The following BICDL1 variants were observed in gnomAD, a reference collection of about 807,000 sequenced individuals.
The protein encoded by BICDL1 is BICD family-like cargo adapter 1.
Under a neutral mutation model 76.8 loss-of-function variants are expected in BICDL1, and 20 were observed. The observed-to-expected ratio is 0.26, with a 90% CI of 0.18 to 0.38. The LOEUF (loss-of-function observed/expected upper bound fraction) is 0.38, where lower values mean the gene tolerates loss of function less well. Among genes scored for constraint, BICDL1 ranks in the 10% least tolerant of loss-of-function variants. BICDL1 has a pLI of 1.00. For synonymous variants in BICDL1, 383 were observed against 337.1 expected (o/e 1.14, Z -1.49); for missense variants, 700 against 798.6 (o/e 0.88, Z 1.49).
intron 2 of BICDL1, among the ~76,000 whole-genome samples, chr12:120,045,203 T>C (rs1329269997): frequency 1.3e-5 from 2 of 152,068 alleles, no homozygotes; most frequent in Non-Finnish European, 2.9e-5. Flanking sequence ...GAAATGCAAA[T>C]CAAAACCACA....
chr12:120,075,316 CGCCTT>C (rs528966643), intron 7 of BICDL1, among the ~76,000 whole-genome samples: 72 of 152,210 alleles, frequency 4.7e-4, no homozygotes, highest in African/African-American at 1.5e-3. Flanking sequence ...AAGCTGTTCA[CGCCTT>C]GCTGCTGCAT....
intron 2 of BICDL1, among the ~76,000 whole-genome samples, chr12:120,018,046 A>G (rs142029231): frequency 2.0e-5 from 3 of 152,268 alleles, no homozygotes; most frequent in East Asian, 3.9e-4. Context: ...CCCACCAGCA[A>G]TCTGTCAAAG....
At chr12:120,033,140 A>G (rs1330669329) in intron 2 of BICDL1, among the ~76,000 whole-genome samples, 1 of 151,736 alleles carries the variant, frequency 6.6e-6, no homozygotes. Flanking sequence ...CGCTTCAGTA[A>G]TTTTTTCATT....
At chr12:120,042,247 T>C (rs1025007902) in intron 2 of BICDL1, among the ~76,000 whole-genome samples, 1 of 152,188 alleles carries the variant, frequency 6.6e-6, no homozygotes, top group African/African-American at 2.4e-5. Flanking sequence ...ATACTCATAA[T>C]AGTCCTCTGA....
intron 1 of BICDL1, among the ~76,000 whole-genome samples, chr12:119,993,944 T>A (rs983602358): frequency 5.9e-5 from 9 of 152,256 alleles, no homozygotes; most frequent in Non-Finnish European, 1.2e-4. Flanking sequence ...AAGGCATTTT[T>A]AAAAATTTCT....
Position 119,990,031 on chromosome 12 carries a change from G to C in BICDL1, c.163G>C (p.Ala55Pro), listed in dbSNP as rs1459566945. Residue 55 changes from alanine to proline, a missense_variant, in exon 1 of 10, where the codon GCG (alanine) becomes CCG (proline). Ala to Pro is a conservative substitution (Grantham distance 27). Transcript: ENST00000548673. ...FPGGSGELEL[A>P]LEEELALLAA... is the part of the protein sequence containing the mutation. ...CGGGGGCTCCGGGGAGCTAGAACTG[G>C]CGTTAGAGGAGGAGCTGGCGCTGCT... is the stretch of plus-strand genomic sequence containing the variant. 6.6e-7 allele frequency: 1 copy of C among 1,523,130 alleles called. No homozygotes were observed. The highest frequency in any genetic ancestry group is 1.4e-5 in the African/African-American group (1 of 71,204). The allele number at this position is 1,523,130 out of a possible 1,614,324, so 94.4% of individuals were successfully genotyped here. A position where few individuals can be genotyped will look rare whatever the true frequency, so the allele number is the denominator to read the frequency against.
At chr12:120,021,884 A>G (rs1174438650) in intron 2 of BICDL1, among the ~76,000 whole-genome samples, 1 of 151,218 alleles carries the variant, frequency 6.6e-6, no homozygotes, top group South Asian at 2.1e-4. Context: ...CAGCCTATGC[A>G]ACAGAGCGAG....
rs772169138 is a variant in BICDL1 at position 120,093,055 on chromosome 12, G to C, written c.1760G>C (p.Arg587Pro). ...RQLMDTHLKE[R>P]SQPAAALCRG... ...CTGATGGACACGCACCTGAAAGAACGGAGCCAGCCGGCTGCTGCCCTCTGC... is the reference window on the plus strand; with the variant it reads ...CTGATGGACACGCACCTGAAAGAACCGAGCCAGCCGGCTGCTGCCCTCTGC... Residue 587 changes from arginine to proline, a missense_variant, in exon 10 of 10, where the codon CGG (arginine) becomes CCG (proline). By Grantham distance (103) the Arg-to-Pro change is moderately radical (BLOSUM62 -2). Transcript: ENST00000548673. The C allele has an allele frequency of 3.7e-6, 6 of 1,600,574 alleles. No individual in the cohort carries two copies. Among genetic ancestry groups the C allele is most frequent in the Non-Finnish European group, 5.1e-6 (6 of 1,172,668 alleles).
At chr12:120,045,995 C>A (rs1016975914) in intron 2 of BICDL1, among the ~76,000 whole-genome samples, 9 of 151,798 alleles carry the variant, frequency 5.9e-5, no homozygotes, top group Non-Finnish European at 1.0e-4. Context: ...GTATTTCTGC[C>A]CTTGAAGAAA....
Position 120,093,860 on chromosome 12 carries a change from C to T in BICDL1, c.*699C>T, listed in dbSNP as rs1030383772. On this transcript the variant is annotated 3_prime_UTR_variant, in exon 10 of 10. Coordinates refer to ENST00000548673, the MANE Select transcript of BICDL1 (RefSeq NM_001367886.1). ...CTTCAGTCTCTGCCCCTTAGCAGGGCCTGGCCAGGCAGAGTGTTATCACCA... is the reference window on the plus strand; with the variant it reads ...CTTCAGTCTCTGCCCCTTAGCAGGGTCTGGCCAGGCAGAGTGTTATCACCA... 1 of 213,718 alleles carries T rather than the reference C, an allele frequency of 4.7e-6. No individual in the cohort carries two copies. Among genetic ancestry groups the T allele is most frequent in the Non-Finnish European group, 9.7e-6 (1 of 103,290 alleles). The allele number at this position is 213,718 out of a possible 1,614,324, so 13.2% of individuals were successfully genotyped here.
Position 119,990,303 on chromosome 12 carries a change from G to T in BICDL1, c.429+6G>T. 6.4e-7 allele frequency: 1 copy of T among 1,557,428 alleles called. No homozygotes were observed. Among genetic ancestry groups the T allele is most frequent in the African/African-American group, 1.4e-5 (1 of 73,392 alleles). ...AGCTGACAGACAAGCTCGAGGTGAG[G>T]ACCTCCCTCCAGGGATGGGTGGGGA... On this transcript the variant is annotated splice_donor_region_variant and intron_variant, in intron 1 of 9. Coordinates refer to ENST00000548673, the MANE Select transcript of BICDL1 (RefSeq NM_001367886.1).
At chr12:120,066,972 C>T (rs1190257515) in intron 4 of BICDL1, among the ~76,000 whole-genome samples, 2 of 152,222 alleles carry the variant, frequency 1.3e-5, no homozygotes, top group Non-Finnish European at 2.9e-5. Flanking sequence ...AGGCCTGTCA[C>T]AACCAGGGGA....
At chr12:120,046,565 A>G (rs1952754038) in intron 2 of BICDL1, among the ~76,000 whole-genome samples, 1 of 152,254 alleles carries the variant, frequency 6.6e-6, no homozygotes, top group Non-Finnish European at 1.5e-5. Context: ...AGAATTAAGC[A>G]GTTTGCCTGT....
chr12:120,019,125 AGCTT>A (rs1952127849), intron 2 of BICDL1: 1 of 151,082 alleles, frequency 6.6e-6, no homozygotes, highest in Non-Finnish European at 1.5e-5. Flanking sequence ...GGGGACCGCC[AGCTT>A]GCTTAAGGTG....
chr12:120,017,092 T>TCCA (rs1952080465), intron 2 of BICDL1, among the ~76,000 whole-genome samples: 1 of 152,092 alleles, frequency 6.6e-6, no homozygotes, highest in East Asian at 1.9e-4. Flanking sequence ...GAGACAGGGT[T>TCCA]TCACTGTGTT....
chr12:120,089,982 T>C lies in BICDL1; in HGVS notation c.1615T>C (p.Cys539Arg). The change falls in exon 9 of 10, where the codon TGC (cysteine) becomes CGC (arginine). Residue 539 changes from cysteine (C) to arginine (R), a missense_variant. By Grantham distance (180) the Cys-to-Arg change is radical. Coordinates refer to ENST00000548673, the MANE Select transcript of BICDL1 (RefSeq NM_001367886.1). ...TGCTGTGGAGCTGGAACTTGCCAAG[T>C]GCAGGATGGATATGATGTCTCTGAA... is the stretch of plus-strand genomic sequence containing the variant. The part of the protein sequence containing the change: ...KNAVELELAK[C>R]RMDMMSLNSQ... 6.2e-7 allele frequency: 1 copy of C among 1,614,180 alleles called. No homozygotes were observed. The highest frequency in any genetic ancestry group is 8.5e-7 in the Non-Finnish European group (1 of 1,180,040).
chr12:120,002,383 G>C (rs1203553984), intron 2 of BICDL1, among the ~76,000 whole-genome samples: 1 of 152,128 alleles, frequency 6.6e-6, no homozygotes, highest in African/African-American at 2.4e-5. Context: ...TACAACTCTT[G>C]GATGTTAATC....
chr12:120,079,937 A>G lies in BICDL1; in HGVS notation c.1453-950A>G, dbSNP rs1873839920. Among the ~76,000 whole-genome samples, 1 of 152,356 alleles carries G rather than the reference A, an allele frequency of 6.6e-6. No individual in the cohort carries two copies. Among genetic ancestry groups the G allele is most frequent in the African/African-American group, 2.4e-5 (1 of 41,588 alleles). On this transcript the variant is annotated intron_variant, in intron 7 of 9. Coordinates refer to ENST00000548673, the MANE Select transcript of BICDL1 (RefSeq NM_001367886.1). The surrounding 1 kb of genome is among the most constrained non-coding windows in gnomAD (Gnocchi z 4.3). ...AGACTGCCTGGGAAAGGAAATGTCT[A>G]TTCCCTGTTGGCTTCTTTAGTTGGA...
chr12:120,021,008 T>C (rs1594125299), intron 2 of BICDL1, among the ~76,000 whole-genome samples: 1 of 152,268 alleles, frequency 6.6e-6, no homozygotes, highest in East Asian at 1.9e-4. Flanking sequence ...AACACTGGTC[T>C]CGTGGTGTCT....
Sources: gnomAD v4.1 joint callset for allele counts (sites outside exome capture counted in the v4.1 genomes callset) on GRCh38, gnomAD v4.1.1 for gene constraint, Gnocchi (gnomAD v3.1) non-coding constraint, MANE v1.5 for transcripts, NCBI Gene and HGNC (gene_info 2026-07-23, HGNC 2026-07-21) for gene names.